Variants in MAGI2 observed in about 807,000 individuals in gnomAD.
The protein encoded by MAGI2 is membrane-associated guanylate kinase, WW and PDZ domain-containing protein 2.
In MAGI2, 35 loss-of-function variants were observed where a neutral mutation model predicts 133.3. That is an observed-to-expected ratio of 0.26 (90% confidence interval 0.20 to 0.35). The LOEUF is 0.35. MAGI2 is among the 10% of genes least tolerant of loss of function. The pLI, the probability that MAGI2 is intolerant of heterozygous loss-of-function variation, is 1.00. For synonymous variants in MAGI2, 729 were observed against 710.6 expected (o/e 1.03, Z -0.41); for missense variants, 1,636 against 1,863.4 (o/e 0.88, Z 2.25).
intron 15 of MAGI2, among the ~76,000 whole-genome samples, chr7:78,161,441 A>G (rs1824966206): frequency 6.6e-6 from 1 of 152,164 alleles, no homozygotes; most frequent in African/African-American, 2.4e-5. Context: ...TATGGAACAG[A>G]GGAATAATAA....
intron 6 of MAGI2, among the ~76,000 whole-genome samples, chr7:78,447,655 G>A (rs1313528259): frequency 6.6e-6 from 1 of 152,114 alleles, no homozygotes; most frequent in African/African-American, 2.4e-5. Context: ...GAGCAAAAGA[G>A]AAGAGGCCTA....
At chr7:78,438,312 T>G (rs1787256696) in intron 6 of MAGI2, among the ~76,000 whole-genome samples, 1 of 151,840 alleles carries the variant, frequency 6.6e-6, no homozygotes, top group African/African-American at 2.4e-5. Context: ...TTCCTTGAGA[T>G]ATGAATTTTT....
chr7:79,328,100 C>A (rs1479435309), intron 1 of MAGI2, among the ~76,000 whole-genome samples: 1 of 152,116 alleles, frequency 6.6e-6, no homozygotes, highest in Non-Finnish European at 1.5e-5. Context: ...AACTATCTTG[C>A]ACATCTTTAT....
chr7:78,412,314 G>A (rs1375819363), intron 6 of MAGI2, among the ~76,000 whole-genome samples: 2 of 152,008 alleles, frequency 1.3e-5, no homozygotes, highest in African/African-American at 4.8e-5. Flanking sequence ...TGTGGTCAAA[G>A]GGGAAGCAGT....
intron 3 of MAGI2, among the ~76,000 whole-genome samples, chr7:78,598,322 C>T (rs778455039): frequency 2.6e-5 from 4 of 151,846 alleles, no homozygotes; most frequent in East Asian, 1.9e-4. Flanking sequence ...ATATATTAGA[C>T]GGTGGGAGAA....
chr7:79,376,816 T>TTG lies in MAGI2; in HGVS notation c.301+76202_301+76203dup, dbSNP rs140364258. Among the ~76,000 whole-genome samples the TTG allele has an allele frequency of 3.9e-3, 310 of 79,916 alleles. 3 individuals carry two copies. The highest frequency in any genetic ancestry group is 0.012 in the Middle Eastern group (2 of 164). 52.4% of individuals were successfully genotyped at this position (79,916 alleles called of 152,430 possible). A position where few individuals can be genotyped will look rare whatever the true frequency, so the allele number is the denominator to read the frequency against. ...AGTGAAACCACAGATAAGAGAGGAT[T>TTG]TGTGTGTGTGTGTGTGTGTGTGTGG... On this transcript the variant is annotated intron_variant, in intron 1 of 21. Coordinates refer to ENST00000354212, the MANE Select transcript of MAGI2 (RefSeq NM_012301.4).
At chr7:78,612,669 T>G (rs1806583890) in intron 3 of MAGI2, among the ~76,000 whole-genome samples, 1 of 151,848 alleles carries the variant, frequency 6.6e-6, no homozygotes, top group African/African-American at 2.4e-5. Flanking sequence ...CACATTTTAT[T>G]TTTTTTAATT....
At chr7:78,059,014 T>C (rs1812950933) in intron 21 of MAGI2, among the ~76,000 whole-genome samples, 1 of 152,190 alleles carries the variant, frequency 6.6e-6, no homozygotes, top group African/African-American at 2.4e-5. Flanking sequence ...CTTTCAAGGC[T>C]CTTGGTATTG....
chr7:78,624,557 A>G (rs1258988868), intron 3 of MAGI2, among the ~76,000 whole-genome samples: 2 of 152,282 alleles, frequency 1.3e-5, no homozygotes. Context: ...CAGAAAACCC[A>G]ACACTGCATG....
At chr7:78,873,894 G>A (rs1483183563) in intron 2 of MAGI2, among the ~76,000 whole-genome samples, 1 of 151,770 alleles carries the variant, frequency 6.6e-6, no homozygotes, top group Non-Finnish European at 1.5e-5. Context: ...GTAATGATAT[G>A]GTCACAATGA....
chr7:78,040,297 A>C (rs2151082977), intron 21 of MAGI2, among the ~76,000 whole-genome samples: 1 of 152,156 alleles, frequency 6.6e-6, no homozygotes, highest in African/African-American at 2.4e-5. Context: ...GTGAGAGCTG[A>C]ATTCTAGTCT....
In MAGI2 at chr7:79,041,065, C is replaced by T. The variant is rs372994012; in HGVS notation, c.302-33859G>A. Among the ~76,000 whole-genome samples the T allele has an allele frequency of 2.1e-4, 32 of 152,268 alleles. No homozygotes were observed. The South Asian group carries it at 6.2e-3, about 30-fold the overall frequency. Reference sequence around the variant, plus strand: ...TACTCTAATTTGATCATTACACATTCTACACATGTATCAAAATATCAAAAT... The same window carrying T: ...TACTCTAATTTGATCATTACACATTTTACACATGTATCAAAATATCAAAAT... On this transcript the variant is annotated intron_variant, in intron 1 of 21. Coordinates refer to ENST00000354212, the MANE Select transcript of MAGI2 (RefSeq NM_012301.4).
Position 78,027,479 on chromosome 7 carries a change from T to G in MAGI2, c.3707-7503A>C, listed in dbSNP as rs180691289. Among the ~76,000 whole-genome samples the G allele has an allele frequency of 1.8e-3, 276 of 151,982 alleles. 10 individuals are homozygous for G. The highest frequency in any genetic ancestry group is 3.4e-3 in the Middle Eastern group (1 of 294). ...CCCGTCTCTACTAAAAATACAAAAA[T>G]TAGCCGGGTGTGGTGGCACATGCCT... On this transcript the variant is annotated intron_variant, in intron 21 of 21. Transcript: ENST00000354212.
chr7:79,249,458 A>C (rs186299208), intron 1 of MAGI2, among the ~76,000 whole-genome samples: 40 of 152,176 alleles, frequency 2.6e-4, no homozygotes, highest in African/African-American at 8.4e-4. Flanking sequence ...CCAGGTTAAT[A>C]AAAAAGACAT....
chr7:78,792,327 G>A (rs1427809724), intron 2 of MAGI2, among the ~76,000 whole-genome samples: 1 of 152,162 alleles, frequency 6.6e-6, no homozygotes, highest in Non-Finnish European at 1.5e-5. Context: ...TTAAAATAAT[G>A]TGAAAATGCA....
chr7:78,596,475 G>A (rs1046025673), intron 3 of MAGI2, among the ~76,000 whole-genome samples: 1 of 152,188 alleles, frequency 6.6e-6, no homozygotes, highest in African/African-American at 2.4e-5. Context: ...TTTCAAGGAT[G>A]TGGGCTATGA....
intron 1 of MAGI2, among the ~76,000 whole-genome samples, chr7:79,369,920 T>C (rs1295554881): frequency 1.3e-5 from 2 of 152,180 alleles, no homozygotes; most frequent in African/African-American, 4.8e-5. Context: ...AAGAGGCAAA[T>C]TCTATAGTAA....
intron 6 of MAGI2, among the ~76,000 whole-genome samples, chr7:78,382,790 C>T (rs772970453): frequency 7.9e-5 from 12 of 151,992 alleles, no homozygotes; most frequent in Non-Finnish European, 1.6e-4. Flanking sequence ...AGTCTTTTAT[C>T]TCTCTTTCCA....
chr7:79,422,892 C>A (rs974218476), intron 1 of MAGI2, among the ~76,000 whole-genome samples: 4 of 151,902 alleles, frequency 2.6e-5, no homozygotes, highest in Non-Finnish European at 4.4e-5. Flanking sequence ...TCTTGGCACT[C>A]AAAATGATTT....
Sources: allele counts gnomAD v4.1 joint callset (sites outside exome capture counted in the v4.1 genomes callset), GRCh38; gene constraint gnomAD v4.1.1; transcripts MANE v1.5; gene names NCBI Gene and HGNC (gene_info 2026-07-23, HGNC 2026-07-21).